The following DLGAP2 variants were observed in gnomAD, a reference collection of about 807,000 sequenced individuals.
DLGAP2 encodes the protein DLG associated protein 2.
Under a neutral mutation model 100.3 loss-of-function variants are expected in DLGAP2, and 26 were observed. That is an observed-to-expected ratio of 0.26 (90% CI 0.19 to 0.36). The LOEUF is 0.36. Ranked by LOEUF, DLGAP2 falls within the 10% of genes least tolerant of loss-of-function variation. The pLI is 1.00. For synonymous variants in DLGAP2, 886 were observed against 630.1 expected, an observed-to-expected ratio of 1.41 and a Z score of -6.08; for missense variants, 1,858 against 1,453.2, an observed-to-expected ratio of 1.28 and a Z score of -4.53.
At chr8:1,553,889 C>G (rs1800147886) in intron 5 of DLGAP2, among the ~76,000 whole-genome samples, 1 of 152,206 alleles carries the variant, frequency 6.6e-6, no homozygotes, top group Non-Finnish European at 1.5e-5. Flanking sequence ...TCCCATCTCC[C>G]AGGTCAACAG....
intron 1 of DLGAP2, among the ~76,000 whole-genome samples, chr8:788,609 A>G (rs979322969): frequency 2.0e-5 from 3 of 152,226 alleles, no homozygotes; most frequent in Admixed American, 6.5e-5. Context: ...CTTAAGGTGA[A>G]GTATCTCAGC....
At chr8:938,205 G>C (rs1262576852) in intron 2 of DLGAP2, among the ~76,000 whole-genome samples, 5 of 152,100 alleles carry the variant, frequency 3.3e-5, no homozygotes, top group Non-Finnish European at 5.9e-5. Context: ...TTTAAATTGA[G>C]ACAGGGTCTC....
At position 1,430,233 on chromosome 8, in the gene DLGAP2, G is replaced by C. The variant is rs147957580; in HGVS notation, c.107-71133G>C. On this transcript the variant is annotated intron_variant, in intron 3 of 14. Transcript: ENST00000637795. Reference sequence around the variant, plus strand: ...TCACCAATGATCTGTGATTCCTTTGGTTAGATTTTAATTTAGATTCTACAT... The same window carrying C: ...TCACCAATGATCTGTGATTCCTTTGCTTAGATTTTAATTTAGATTCTACAT... 1.9e-3 allele frequency among the ~76,000 whole-genome samples: 280 copies of C among 151,298 alleles called. 2 individuals are homozygous for C. The highest frequency in any genetic ancestry group is 6.4e-3 in the African/African-American group (264 of 41,252).
At chr8:1,613,696 G>T (rs1349072183) in intron 6 of DLGAP2, among the ~76,000 whole-genome samples, 2 of 152,084 alleles carry the variant, frequency 1.3e-5, no homozygotes, top group African/African-American at 4.8e-5. Flanking sequence ...AACATATTTT[G>T]GGAGAGTAGT....
At chr8:1,143,458 G>A (rs1316414849) in intron 2 of DLGAP2, among the ~76,000 whole-genome samples, 1 of 152,194 alleles carries the variant, frequency 6.6e-6, no homozygotes, top group Non-Finnish European at 1.5e-5. Context: ...GCTACAGACG[G>A]GATATTTACT....
At chr8:788,500 C>A (rs1456124879) in intron 1 of DLGAP2, among the ~76,000 whole-genome samples, 1 of 152,212 alleles carries the variant, frequency 6.6e-6, no homozygotes, top group African/African-American at 2.4e-5. Flanking sequence ...TGGCACCATC[C>A]CAGGTAGTGT....
intron 3 of DLGAP2, among the ~76,000 whole-genome samples, chr8:1,267,598 T>TATAAAATAAAATAAAATAAA (rs1563051993): frequency 4.6e-5 from 2 of 43,622 alleles, no homozygotes; most frequent in African/African-American, 2.2e-4. Context: ...TAAGATAAGA[T>TATAAAATAAAATAAAATAAA]AAGATAAGAT....
At position 1,292,068 on chromosome 8, in the gene DLGAP2, C is replaced by G. The variant is rs895104373; in HGVS notation, c.106+33185C>G. On this transcript the variant is annotated intron_variant, in intron 3 of 14. Coordinates refer to ENST00000637795, the MANE Select transcript of DLGAP2 (RefSeq NM_001346810.2). ...AATAGGGAAGATTCAGTAGAATGTT[C>G]CAACTCTGAAGACAGATGAATTGTG... is the stretch of plus-strand genomic sequence containing the variant. Among the ~76,000 whole-genome samples, 4 of 152,180 alleles carry G rather than the reference C, an allele frequency of 2.6e-5. No individual in the cohort carries two copies. The East Asian group carries it at 7.7e-4, about 29-fold the overall frequency.
At chr8:1,171,939 T>G (rs539308696) in intron 2 of DLGAP2, among the ~76,000 whole-genome samples, 8 of 152,222 alleles carry the variant, frequency 5.3e-5, no homozygotes, top group East Asian at 3.9e-4. Flanking sequence ...ATGTTAGCTG[T>G]TTATTTTGCT....
chr8:1,125,993 C>A (rs890443583), intron 2 of DLGAP2, among the ~76,000 whole-genome samples: 2 of 152,250 alleles, frequency 1.3e-5, no homozygotes, highest in African/African-American at 4.8e-5. Context: ...TCTCCATGGA[C>A]ACTTCCGGCT....
At chr8:1,516,273 G>T (rs4537327) in intron 4 of DLGAP2, among the ~76,000 whole-genome samples, 4 of 151,796 alleles carry the variant, frequency 2.6e-5, no homozygotes, top group African/African-American at 9.7e-5. Context: ...GCACACAAAT[G>T]AGTGACTGAA....
intron 1 of DLGAP2, among the ~76,000 whole-genome samples, chr8:901,253 T>C (rs191658053): frequency 6.6e-6 from 1 of 152,146 alleles, no homozygotes; most frequent in East Asian, 1.9e-4. Flanking sequence ...GATCGCACCA[T>C]TGCACTCCAG....
At chr8:1,141,552 G>C (rs1173031157) in intron 2 of DLGAP2, among the ~76,000 whole-genome samples, 1 of 152,008 alleles carries the variant, frequency 6.6e-6, no homozygotes, top group African/African-American at 2.4e-5. Flanking sequence ...ATTATTAATG[G>C]GAACTCAGAC....
chr8:1,184,331 C>A (rs761001721), intron 2 of DLGAP2, among the ~76,000 whole-genome samples: 5 of 152,250 alleles, frequency 3.3e-5, no homozygotes, highest in Non-Finnish European at 7.3e-5. Flanking sequence ...GTGGGAGATG[C>A]GTCCGAAACG....
intron 13 of DLGAP2, among the ~76,000 whole-genome samples, chr8:1,696,244 T>A (rs1286991299): frequency 6.6e-6 from 1 of 152,160 alleles, no homozygotes; most frequent in Non-Finnish European, 1.5e-5. Context: ...GCTCACCCTG[T>A]AATCCCAGCA....
At chr8:1,519,049 A>G (rs1356459689) in intron 4 of DLGAP2, among the ~76,000 whole-genome samples, 1 of 152,194 alleles carries the variant, frequency 6.6e-6, no homozygotes, top group Non-Finnish European at 1.5e-5. Flanking sequence ...AGCCACAGAT[A>G]GGAGCCTGTG....
At chr8:874,927 T>C (rs1042662967) in intron 1 of DLGAP2, among the ~76,000 whole-genome samples, 1 of 152,244 alleles carries the variant, frequency 6.6e-6, no homozygotes, top group African/African-American at 2.4e-5. Context: ...TGTCTACATA[T>C]GCATACACAC....
intron 6 of DLGAP2, among the ~76,000 whole-genome samples, chr8:1,613,707 T>G (rs1199108542): frequency 6.6e-6 from 1 of 152,134 alleles, no homozygotes; most frequent in Non-Finnish European, 1.5e-5. Flanking sequence ...GGAGAGTAGT[T>G]TAACAGCAGC....
intron 2 of DLGAP2, among the ~76,000 whole-genome samples, chr8:1,075,615 G>T (rs896637766): frequency 6.6e-6 from 1 of 152,200 alleles, no homozygotes; most frequent in African/African-American, 2.4e-5. Flanking sequence ...ACTGGTTGAG[G>T]TCTTTGTATG....
Sources: gnomAD v4.1 joint callset for allele counts (sites outside exome capture counted in the v4.1 genomes callset) on GRCh38, gnomAD v4.1.1 for gene constraint, MANE v1.5 for transcripts, NCBI Gene and HGNC (gene_info 2026-07-23, HGNC 2026-07-21) for gene names.